The following MTUS2 variants were observed in gnomAD, a reference collection of about 807,000 sequenced individuals.
MTUS2 encodes microtubule-associated tumor suppressor candidate 2.
In MTUS2, 40 loss-of-function variants were observed where a neutral mutation model predicts 114.1. That is an observed-to-expected ratio of 0.35 (90% CI 0.27 to 0.46). The LOEUF is 0.46. Among genes scored for constraint, MTUS2 ranks in the 20% least tolerant of loss-of-function variants. The pLI is 1.00. For synonymous variants in MTUS2, 688 were observed against 672.0 expected (o/e 1.02, Z -0.37); for missense variants, 1,679 against 1,705.4 (o/e 0.98, Z 0.27).
intron 9 of MTUS2, among the ~76,000 whole-genome samples, chr13:29,470,567 A>G (rs148218997): frequency 8.5e-5 from 13 of 152,316 alleles, no homozygotes; most frequent in African/African-American, 2.4e-4. Context: ...CCTCGCTTCC[A>G]TCCTTGCCTC....
chr13:29,145,058 G>T (rs946866699), intron 5 of MTUS2, among the ~76,000 whole-genome samples: 5 of 152,114 alleles, frequency 3.3e-5, no homozygotes, highest in Non-Finnish European at 7.4e-5. Context: ...TTTATAATTG[G>T]ATCTGCCAGG....
chr13:29,479,064 G>A (rs1487468617), intron 9 of MTUS2, among the ~76,000 whole-genome samples: 1 of 152,180 alleles, frequency 6.6e-6, no homozygotes, highest in Admixed American at 6.5e-5. Context: ...ATGCTATCTA[G>A]CAACCTTGGA....
At chr13:29,393,949 A>G (rs553902871) in intron 8 of MTUS2, among the ~76,000 whole-genome samples, 3 of 152,304 alleles carry the variant, frequency 2.0e-5, no homozygotes, top group African/African-American at 7.2e-5. Context: ...ATATGCATGT[A>G]TCTCAGTGAG....
At chr13:29,107,864 G>T (rs1192902112) in intron 5 of MTUS2, among the ~76,000 whole-genome samples, 1 of 152,036 alleles carries the variant, frequency 6.6e-6, no homozygotes, top group Non-Finnish European at 1.5e-5. Flanking sequence ...TTAAATTCTA[G>T]AGTTTTATTT....
intron 2 of MTUS2, among the ~76,000 whole-genome samples, chr13:28,888,756 T>G (rs1386610267): frequency 6.6e-6 from 1 of 152,088 alleles, no homozygotes; most frequent in Non-Finnish European, 1.5e-5. Flanking sequence ...TGCTGTTGAT[T>G]ATTATTCTGC....
rs1239812033 is a variant in MTUS2 at position 29,018,788 on chromosome 13, C to CA, written c.-242-5656dup. 6.4e-3 allele frequency among the ~76,000 whole-genome samples: 520 copies of CA among 80,630 alleles called. 2 individuals are homozygous for CA. The highest frequency in any genetic ancestry group is 0.024 in the South Asian group (50 of 2,074). The allele number at this position is 80,630 out of a possible 152,430, so 52.9% of individuals were successfully genotyped here. On this transcript the variant is annotated intron_variant, in intron 2 of 15. Coordinates refer to ENST00000612955, the MANE Select transcript of MTUS2 (RefSeq NM_001033602.4). Reference sequence around the variant, plus strand: ...CCCCTCCCCCCGCCCCCGCCCCCTGCAAAAAAAAAAAAAGAAAAAGAAATG... The same window carrying CA: ...CCCCTCCCCCCGCCCCCGCCCCCTGCAAAAAAAAAAAAAAGAAAAAGAAATG...
intron 5 of MTUS2, among the ~76,000 whole-genome samples, chr13:29,241,899 GGT>G (rs1896748446): frequency 6.6e-6 from 1 of 152,128 alleles, no homozygotes; most frequent in Admixed American, 6.5e-5. Flanking sequence ...GGTTCTGAGA[GGT>G]GTGCTGTAGT....
intron 5 of MTUS2, among the ~76,000 whole-genome samples, chr13:29,274,844 T>A (rs1340844842): frequency 6.6e-6 from 1 of 152,104 alleles, no homozygotes; most frequent in Non-Finnish European, 1.5e-5. Flanking sequence ...ATCCTCCAGC[T>A]CCAGCCTCCC....
chr13:29,356,756 A>T (rs1003687610), intron 7 of MTUS2, among the ~76,000 whole-genome samples: 1 of 152,252 alleles, frequency 6.6e-6, no homozygotes, highest in African/African-American at 2.4e-5. Flanking sequence ...TTCAACTTAA[A>T]GCAATAGAGA....
At chr13:29,334,841 T>C (rs963003858) in intron 7 of MTUS2, among the ~76,000 whole-genome samples, 1 of 152,202 alleles carries the variant, frequency 6.6e-6, no homozygotes, top group Admixed American at 6.5e-5. Flanking sequence ...TATTTATCAC[T>C]TCCCCAATCA....
chr13:29,082,642 C>G (rs562712555), intron 4 of MTUS2, among the ~76,000 whole-genome samples: 18 of 152,252 alleles, frequency 1.2e-4, no homozygotes, highest in African/African-American at 4.1e-4. Context: ...AAAGAGGCCT[C>G]AATAGCTATG....
chr13:29,479,739 A>G (rs1881006398), intron 9 of MTUS2, among the ~76,000 whole-genome samples: 1 of 152,188 alleles, frequency 6.6e-6, no homozygotes, highest in African/African-American at 2.4e-5. Context: ...GAGATCCTGA[A>G]TTCCTGCCTC....
chr13:29,260,398 C>T (rs553596657), intron 5 of MTUS2, among the ~76,000 whole-genome samples: 2 of 152,300 alleles, frequency 1.3e-5, no homozygotes, highest in African/African-American at 4.8e-5. Flanking sequence ...ATATGGAAAG[C>T]AGAAGAGGCA....
chr13:28,859,208 G>T (rs1374784143), intron 2 of MTUS2, among the ~76,000 whole-genome samples: 4 of 152,180 alleles, frequency 2.6e-5, no homozygotes, highest in Admixed American at 2.6e-4. Flanking sequence ...GGTTGGACTT[G>T]ACCCTGTGTT....
Position 29,456,282 on chromosome 13 carries a change from A to G in MTUS2, c.3184+16233A>G, listed in dbSNP as rs149697451. ...AGAAAAGAGTCAGTAAATTGAAGAT[A>G]GATCAACAGATATTAGCCAATCAGA... On this transcript the variant is annotated intron_variant, in intron 9 of 15. Coordinates refer to ENST00000612955, the MANE Select transcript of MTUS2 (RefSeq NM_001033602.4). Among the ~76,000 whole-genome samples the G allele has an allele frequency of 4.2e-3, 643 of 152,304 alleles. 3 individuals are homozygous for G. Among genetic ancestry groups the G allele is most frequent in the African/African-American group, 0.014 (590 of 41,554 alleles).
At chr13:29,456,037 G>A (rs1269521696) in intron 9 of MTUS2, among the ~76,000 whole-genome samples, 2 of 152,060 alleles carry the variant, frequency 1.3e-5, no homozygotes, top group African/African-American at 4.8e-5. Flanking sequence ...GTATTGAAAT[G>A]CTCCAGATGT....
At chr13:29,342,794 A>G (rs1901464148) in intron 7 of MTUS2, among the ~76,000 whole-genome samples, 1 of 151,136 alleles carries the variant, frequency 6.6e-6, no homozygotes. Flanking sequence ...TGGCTGTGGG[A>G]TTGTCATAGA....
chr13:29,077,396 TAA>T (rs574656480), intron 4 of MTUS2, among the ~76,000 whole-genome samples: 1 of 149,410 alleles, frequency 6.7e-6, no homozygotes, highest in Non-Finnish European at 1.5e-5. Flanking sequence ...ATGGTAAAAT[TAA>T]AAAAAAAATG....
chr13:29,370,772 A>G (rs552533785), intron 8 of MTUS2, among the ~76,000 whole-genome samples: 32 of 152,318 alleles, frequency 2.1e-4, no homozygotes, highest in African/African-American at 6.7e-4. Context: ...CCAATTATAT[A>G]TTGTCCACCA....
Sources: allele counts gnomAD v4.1 joint callset (sites outside exome capture counted in the v4.1 genomes callset), GRCh38; gene constraint gnomAD v4.1.1; transcripts MANE v1.5; gene names NCBI Gene and HGNC (gene_info 2026-07-23, HGNC 2026-07-21).